Variants in MZT2B observed in about 807,000 individuals in gnomAD.
MZT2B encodes mitotic-spindle organizing protein 2B.
A neutral mutation model predicts 12.1 loss-of-function variants in MZT2B; 11 were observed. The ratio of observed to expected loss-of-function variants is 0.91; its 90% CI spans 0.57 to 1.50. The LOEUF (loss-of-function observed/expected upper bound fraction) is 1.50, where lower values mean the gene tolerates loss of function less well. Ranked by LOEUF, MZT2B falls within the 40% of genes most tolerant of loss-of-function variation. MZT2B has a pLI of 0.00. For missense variants in MZT2B, 209 were observed against 227.7 expected, an observed-to-expected ratio of 0.92 and a Z score of 0.53; for synonymous variants, 85 against 109.5, an observed-to-expected ratio of 0.78 and a Z score of 1.40.
At chr2:130,195,078 C>A (rs762522964), downstream of MZT2B, 1 of 1,612,986 alleles carries the variant, frequency 6.2e-7, no homozygotes, top group Non-Finnish European at 8.5e-7. Flanking sequence ...TCTCTTCTTA[C>A]CAGTTTGCGG....
intron 2 of MZT2B, among the ~76,000 whole-genome samples, chr2:130,189,392 G>A (rs1056946087): frequency 3.3e-5 from 5 of 152,208 alleles, no homozygotes; most frequent in African/African-American, 1.2e-4. Context: ...CAGGGTTTGA[G>A]CCTGCAGGGG....
the MZT2B span, among the ~76,000 whole-genome samples, chr2:130,200,057 T>C: frequency 1.3e-5 from 2 of 150,748 alleles, no homozygotes; most frequent in Non-Finnish European, 3.0e-5. Context: ...GATCATGCCA[T>C]TGCACTCCAG....
chr2:130,190,827 A>C, downstream of MZT2B: 2 of 1,203,600 alleles, frequency 1.7e-6, no homozygotes, highest in Non-Finnish European at 2.1e-6. Flanking sequence ...CAGTGAACTA[A>C]CCAGGTCCCT....
Position 130,182,619 on chromosome 2 carries a change from C to G in MZT2B, c.171-8C>G, listed in dbSNP as rs762638303. On this transcript the variant is annotated splice_region_variant and splice_polypyrimidine_tract_variant and intron_variant, in intron 1 of 2. Coordinates refer to ENST00000281871, the MANE Select transcript of MZT2B (RefSeq NM_025029.5). ...AGGGCTCACCGGCCCCGCGTCTGTC[C>G]CCGCCAGGATCCTGGTGGACCTGCT... The G allele has an allele frequency of 6.5e-7, 1 of 1,536,910 alleles. No homozygotes were observed.
chr2:130,195,720 C>T (rs1307669109), downstream of MZT2B, among the ~76,000 whole-genome samples: 1 of 152,218 alleles, frequency 6.6e-6, no homozygotes, highest in East Asian at 1.9e-4. Context: ...TTGGAAACTA[C>T]CTCAGGCTGC....
chr2:130,192,018 G>A (rs1187644329), downstream of MZT2B: 2 of 1,614,106 alleles, frequency 1.2e-6, no homozygotes, highest in Middle Eastern at 1.6e-4. Context: ...GACCAGGCGG[G>A]CCCAGGCCTC....
the MZT2B span, among the ~76,000 whole-genome samples, chr2:130,197,336 A>G: frequency 6.9e-6 from 1 of 144,464 alleles, no homozygotes; most frequent in Non-Finnish European, 1.5e-5. Flanking sequence ...AAAATTTACA[A>G]ATTAGCCAGG....
chr2:130,183,560 T>C (rs1205745648), intron 2 of MZT2B: 5 of 712,118 alleles, frequency 7.0e-6, no homozygotes, highest in Non-Finnish European at 1.2e-5. Flanking sequence ...CAGCACAACC[T>C]CCTAGGCCAA....
chr2:130,191,144 G>T (rs1356231275), downstream of MZT2B, among the ~76,000 whole-genome samples: 1 of 152,078 alleles, frequency 6.6e-6, no homozygotes, highest in African/African-American at 2.4e-5. Context: ...TAGAGACGGG[G>T]TTTCACTGTG....
the MZT2B span, among the ~76,000 whole-genome samples, chr2:130,203,814 G>T: frequency 7.9e-5 from 12 of 152,118 alleles, no homozygotes; most frequent in East Asian, 1.9e-3. Context: ...TAAGTAACTA[G>T]ATTGAGTGCC....
chr2:130,184,711 G>A lies in MZT2B; in HGVS notation c.319+1936G>A, dbSNP rs1006332646. 3.0e-6 allele frequency: 3 copies of A among 985,326 alleles called. No homozygotes were observed. The African/African-American group carries it at 5.2e-5, about 17-fold the overall frequency. 61.0% of individuals were successfully genotyped at this position (985,326 alleles called of 1,614,324 possible). On this transcript the variant is annotated intron_variant, in intron 2 of 2. Transcript: ENST00000281871. ...CAATTGAGGGGCAAGTGTCCAGCAG[G>A]AGGGAGAAACTGGGAACAGAGTCCT...
intron 2 of MZT2B, chr2:130,184,560 C>T (rs1689982764): frequency 1.0e-6 from 1 of 985,372 alleles, no homozygotes; most frequent in Non-Finnish European, 1.2e-6. Context: ...TTTGGTTGCA[C>T]CTCCTGCGTG....
chr2:130,201,820 A>G, the MZT2B span, among the ~76,000 whole-genome samples: 22 of 152,206 alleles, frequency 1.4e-4, no homozygotes, highest in Non-Finnish European at 2.4e-4. Flanking sequence ...CACCTAGGCC[A>G]CATGGTATAG....
At chr2:130,191,912 G>A, downstream of MZT2B, 1 of 1,614,058 alleles carries the variant, frequency 6.2e-7, no homozygotes, top group Non-Finnish European at 8.5e-7. Context: ...GAGCTGCCAG[G>A]TCCTCGCGGG....
chr2:130,183,640 C>G lies in MZT2B; in HGVS notation c.319+865C>G, dbSNP rs1202415252. On this transcript the variant is annotated intron_variant, in intron 2 of 2. Coordinates refer to ENST00000281871, the MANE Select transcript of MZT2B (RefSeq NM_025029.5). ...GACCCGCACAGGCATCCTGAGAAGG[C>G]GTGGAGAGCAGGCTGCCTTCATGGG... 2.2e-6 allele frequency: 3 copies of G among 1,334,340 alleles called. No homozygotes were observed. The Admixed American group carries it at 5.9e-5, about 26-fold the overall frequency. The allele number at this position is 1,334,340 out of a possible 1,614,324, so 82.7% of individuals were successfully genotyped here.
chr2:130,186,301 C>G (rs1690062083), intron 2 of MZT2B, among the ~76,000 whole-genome samples: 1 of 152,114 alleles, frequency 6.6e-6, no homozygotes, highest in African/African-American at 2.4e-5. Context: ...CCCCAGCCAT[C>G]CAGACAGCCT....
chr2:130,194,693 T>C (rs1690361354), downstream of MZT2B, among the ~76,000 whole-genome samples: 1 of 152,140 alleles, frequency 6.6e-6, no homozygotes, highest in South Asian at 2.1e-4. Context: ...TGCTTGTTTG[T>C]TTGAGACGGA....
At chr2:130,182,527 C>T in intron 1 of MZT2B, 75 bp downstream of exon 1, 1 of 1,547,580 alleles carries the variant, frequency 6.5e-7, no homozygotes. Context: ...GCCCGGCCCG[C>T]TGGTCGGGAG....
intron 2 of MZT2B, chr2:130,184,842 ACT>A: frequency 1.0e-6 from 1 of 985,290 alleles, no homozygotes; most frequent in South Asian, 4.7e-5. Flanking sequence ...AGATGATCAC[ACT>A]CAGAGCCCAG....
Sources: gnomAD v4.1 joint callset for allele counts (sites outside exome capture counted in the v4.1 genomes callset) on GRCh38, gnomAD v4.1.1 for gene constraint, MANE v1.5 for transcripts, NCBI Gene and HGNC (gene_info 2026-07-23, HGNC 2026-07-21) for gene names.